Variants in SLC35E3 observed in about 807,000 individuals in gnomAD.
SLC35E3 encodes bladder cancer-overexpressed gene 1 protein.
In SLC35E3, 28 loss-of-function variants were observed where a neutral mutation model predicts 30.8. The observed-to-expected ratio is 0.91, with a 90% CI of 0.67 to 1.25. SLC35E3 has a LOEUF of 1.25. Among genes scored for constraint, SLC35E3 ranks in the 50% most tolerant of loss-of-function variants. The pLI is 0.00. For synonymous variants in SLC35E3, 146 were observed against 149.2 expected (o/e 0.98, Z 0.16); for missense variants, 365 against 375.4 (o/e 0.97, Z 0.23).
At chr12:68,760,776 T>C (rs548580603) in intron 4 of SLC35E3, among the ~76,000 whole-genome samples, 160 of 152,294 alleles carry the variant, frequency 1.1e-3, no homozygotes, top group African/African-American at 3.8e-3. Context: ...ATGAACCACA[T>C]AGACAAAAGT....
At position 68,779,426 on chromosome 12, in the gene SLC35E3, G is replaced by A. The variant is rs1402975952; in HGVS notation, c.*14536G>A. On this transcript the variant is annotated 3_prime_UTR_variant, in exon 5 of 5. Coordinates refer to ENST00000398004, the MANE Select transcript of SLC35E3 (RefSeq NM_018656.5). ...CATTAGATTTCAAAATATTGGTATT[G>A]AACCAGATGGTCTTGTGGCTTCAAA... 1 of 152,176 alleles carries A rather than the reference G, an allele frequency of 6.6e-6. No homozygotes were observed. Among genetic ancestry groups the A allele is most frequent in the African/African-American group, 2.4e-5 (1 of 41,448 alleles). 9.4% of individuals were successfully genotyped at this position (152,176 alleles called of 1,614,324 possible).
chr12:68,755,988 A>AATAAGC (rs1878986145), intron 3 of SLC35E3, among the ~76,000 whole-genome samples: 2 of 152,168 alleles, frequency 1.3e-5, no homozygotes. Flanking sequence ...TCCCACAGCT[A>AATAAGC]ATAAGCAGAA....
intron 2 of SLC35E3, among the ~76,000 whole-genome samples, chr12:68,751,602 C>G (rs918397032): frequency 6.6e-6 from 1 of 152,116 alleles, no homozygotes; most frequent in Non-Finnish European, 1.5e-5. Flanking sequence ...CCCCGGTCTT[C>G]CATTTTTTAA....
At chr12:68,755,102 C>A (rs751581512) in intron 3 of SLC35E3, among the ~76,000 whole-genome samples, 1 of 152,178 alleles carries the variant, frequency 6.6e-6, no homozygotes, top group African/African-American at 2.4e-5. Context: ...CATCTGACAA[C>A]AAGGAAGAGG....
intron 3 of SLC35E3, among the ~76,000 whole-genome samples, chr12:68,753,218 G>A (rs1878870451): frequency 6.6e-6 from 1 of 151,952 alleles, no homozygotes; most frequent in Non-Finnish European, 1.5e-5. Context: ...GGAGGTGGAG[G>A]TTGCAATGAG....
chr12:68,752,642 G>T (rs1297838512), intron 3 of SLC35E3, among the ~76,000 whole-genome samples: 1 of 151,576 alleles, frequency 6.6e-6, no homozygotes, highest in African/African-American at 2.4e-5. Flanking sequence ...AGGATGAGCT[G>T]GGCAGATCGT....
intron 3 of SLC35E3, among the ~76,000 whole-genome samples, chr12:68,753,580 C>A (rs1878885981): frequency 6.6e-6 from 1 of 151,976 alleles, no homozygotes; most frequent in South Asian, 2.1e-4. Context: ...TTTGTATAAA[C>A]ACATAGGTAC....
At chr12:68,757,325 G>A (rs978539858) in intron 3 of SLC35E3, among the ~76,000 whole-genome samples, 3 of 152,160 alleles carry the variant, frequency 2.0e-5, no homozygotes, top group Non-Finnish European at 4.4e-5. Flanking sequence ...TAGAGTAATT[G>A]TGTTTTTAAT....
chr12:68,749,944 CCT>C (rs1316373334), intron 2 of SLC35E3, among the ~76,000 whole-genome samples: 4 of 152,144 alleles, frequency 2.6e-5, no homozygotes, highest in African/African-American at 9.6e-5. Flanking sequence ...TGATCATTCC[CCT>C]GTCTTTAGAA....
chr12:68,764,720 C>T lies in SLC35E3; in HGVS notation c.772C>T (p.His258Tyr). 2 of 1,613,818 alleles carry T rather than the reference C, an allele frequency of 1.2e-6. No homozygotes were observed. Among genetic ancestry groups the T allele is most frequent in the Non-Finnish European group, 1.7e-6 (2 of 1,179,872 alleles). The change falls in exon 5 of 5, where the codon CAC becomes TAC. Residue 258 changes from histidine (H) to tyrosine (Y), a missense_variant. By Grantham distance (83) the His-to-Tyr change is moderately conservative. Transcript: ENST00000398004. ...AAACCTCAGCTATAACATGTTCGGA[C>T]ACTTCAAGTTCTGCATTACTTTATT... ...TSPVTYNMFG[H>Y]FKFCITLFGG...
Position 68,747,923 on chromosome 12 carries a change from G to T in SLC35E3, c.403-7G>T. 6.9e-7 allele frequency: 1 copy of T among 1,443,152 alleles called. No individual in the cohort carries two copies. Among genetic ancestry groups the T allele is most frequent in the East Asian group, 2.3e-5 (1 of 43,752 alleles). The allele number at this position is 1,443,152 out of a possible 1,614,324, so 89.4% of individuals were successfully genotyped here. A position where few individuals can be genotyped will look rare whatever the true frequency, so the allele number is the denominator to read the frequency against. On this transcript the variant is annotated splice_polypyrimidine_tract_variant and splice_region_variant and intron_variant, in intron 1 of 4. Transcript: ENST00000398004. ...TCTGAACAACATTTACCTCTTTTTC[G>T]TTACAGATTCCTATAACTTTAGGTG...
chr12:68,781,100 T>C lies in SLC35E3; in HGVS notation c.*16210T>C. ...GTCTTTGGGGAAGAAAAATTCAGGATGAGTTTATTGAGAGCATTATTTTTG... is the reference window on the plus strand; with the variant it reads ...GTCTTTGGGGAAGAAAAATTCAGGACGAGTTTATTGAGAGCATTATTTTTG... On this transcript the variant is annotated 3_prime_UTR_variant, in exon 5 of 5. Transcript: ENST00000398004. 7.8e-6 allele frequency: 1 copy of C among 128,104 alleles called. No individual in the cohort carries two copies. The highest frequency in any genetic ancestry group is 7.1e-5 in the Admixed American group (1 of 14,086). 7.9% of individuals were successfully genotyped at this position (128,104 alleles called of 1,614,324 possible). A position where few individuals can be genotyped will look rare whatever the true frequency, so the allele number is the denominator to read the frequency against.
At chr12:68,755,739 A>G (rs539428167) in intron 3 of SLC35E3, among the ~76,000 whole-genome samples, 2 of 152,120 alleles carry the variant, frequency 1.3e-5, no homozygotes, top group Non-Finnish European at 2.9e-5. Flanking sequence ...TTAAACAGCT[A>G]GCTCTCATGA....
chr12:68,748,759 C>T (rs967320318), intron 2 of SLC35E3, among the ~76,000 whole-genome samples: 5 of 152,168 alleles, frequency 3.3e-5, no homozygotes, highest in Non-Finnish European at 5.9e-5. Flanking sequence ...TACTGAAAAC[C>T]TTGGTCTGGA....
chr12:68,759,331 T>C (rs1879161172), intron 4 of SLC35E3, 92 bp downstream of exon 4: 2 of 869,412 alleles, frequency 2.3e-6, no homozygotes, highest in Admixed American at 2.0e-5. Flanking sequence ...ACACTAACTA[T>C]TGCATGGCCT....
chr12:68,764,790 C>T lies in SLC35E3; in HGVS notation c.842C>T (p.Ala281Val), dbSNP rs762486164. 114 of 1,614,030 alleles carry T rather than the reference C, an allele frequency of 7.1e-5. No homozygotes were observed. The highest frequency in any genetic ancestry group is 5.0e-4 in the Middle Eastern group (3 of 6,060). ...LFKDPLSINQ[A>V]LGILCTLFGI... is the part of the protein sequence containing the mutation. ...AAGGATCCACTGTCCATTAATCAGG[C>T]CCTTGGCATTTTATGTACATTATTT... is the stretch of plus-strand genomic sequence containing the variant. Residue 281 changes from alanine to valine, a missense_variant, in exon 5 of 5, where the codon GCC (alanine) becomes GTC (valine). Ala to Val is a moderately conservative substitution (Grantham distance 64). Coordinates refer to ENST00000398004, the MANE Select transcript of SLC35E3 (RefSeq NM_018656.5).
At chr12:68,756,261 C>G (rs1159884478) in intron 3 of SLC35E3, among the ~76,000 whole-genome samples, 1 of 139,924 alleles carries the variant, frequency 7.1e-6, no homozygotes, top group African/African-American at 2.7e-5. Context: ...TCGTAGCCTT[C>G]TAACAGGTTT....
In SLC35E3 at chr12:68,774,893, C is replaced by T. The variant is rs1879699712; in HGVS notation, c.*10003C>T. 1 of 150,804 alleles carries T rather than the reference C, an allele frequency of 6.6e-6. No individual in the cohort carries two copies. The highest frequency in any genetic ancestry group is 6.6e-5 in the Admixed American group (1 of 15,108). 9.3% of individuals were successfully genotyped at this position (150,804 alleles called of 1,614,324 possible). A position where few individuals can be genotyped will look rare whatever the true frequency, so the allele number is the denominator to read the frequency against. On this transcript the variant is annotated 3_prime_UTR_variant, in exon 5 of 5. Transcript: ENST00000398004. The stretch of plus-strand genomic sequence containing the variant: ...CCAGGTGCGGTGGCTCACGCATAAT[C>T]CCAACACTTTGGGAGGCTGAGGTGG...
intron 3 of SLC35E3, among the ~76,000 whole-genome samples, chr12:68,756,301 TAAAAA>T (rs34141831): frequency 8.5e-6 from 1 of 117,162 alleles, no homozygotes; most frequent in Non-Finnish European, 1.7e-5. Context: ...GAAAAGCCAT[TAAAAA>T]AAAAAAAAAA....
Sources: allele counts gnomAD v4.1 joint callset (sites outside exome capture counted in the v4.1 genomes callset), GRCh38; gene constraint gnomAD v4.1.1; transcripts MANE v1.5; gene names NCBI Gene and HGNC (gene_info 2026-07-23, HGNC 2026-07-21).